The following PCDH15 variants were observed in gnomAD, a reference collection of about 807,000 sequenced individuals.
The protein encoded by PCDH15 is protocadherin related 15.
In PCDH15, 129 loss-of-function variants were observed where a neutral mutation model predicts 178.5. The ratio of observed to expected loss-of-function variants is 0.72; its 90% confidence interval spans 0.63 to 0.84. The LOEUF (loss-of-function observed/expected upper bound fraction) is 0.84. Among genes scored for constraint, PCDH15 ranks in the 40% least tolerant of loss-of-function variants. PCDH15 has a pLI of 0.00. For synonymous variants in PCDH15, 800 were observed against 732.0 expected (o/e 1.09, Z -1.50); for missense variants, 2,230 against 2,099.9 (o/e 1.06, Z -1.21).
intron 2 of PCDH15, among the ~76,000 whole-genome samples, chr10:55,382,723 T>G (rs182262210): frequency 6.6e-6 from 1 of 152,308 alleles, no homozygotes; most frequent in Non-Finnish European, 1.5e-5. Context: ...TCTACTGGAA[T>G]GACTCATCTT....
intron 26 of PCDH15, among the ~76,000 whole-genome samples, chr10:53,882,870 A>G (rs1206445570): frequency 6.6e-6 from 1 of 152,016 alleles, no homozygotes; most frequent in Admixed American, 6.5e-5. Context: ...AATGGCCAAT[A>G]GTCTTTTATA....
At chr10:55,108,145 C>G (rs976224218) in intron 2 of PCDH15, among the ~76,000 whole-genome samples, 10 of 152,100 alleles carry the variant, frequency 6.6e-5, no homozygotes, top group African/African-American at 2.4e-4. Context: ...ACCAAAATTG[C>G]TGATACTCTG....
intron 3 of PCDH15, among the ~76,000 whole-genome samples, chr10:54,842,397 T>C (rs1203552631): frequency 6.6e-6 from 1 of 151,938 alleles, no homozygotes; most frequent in Non-Finnish European, 1.5e-5. Flanking sequence ...CTTAGTAATT[T>C]GTGACCTGCC....
intron 14 of PCDH15, among the ~76,000 whole-genome samples, chr10:54,135,346 T>C (rs936251333): frequency 6.6e-6 from 1 of 151,992 alleles, no homozygotes; most frequent in African/African-American, 2.4e-5. Context: ...AGTATCAAAA[T>C]TTGCCAATAC....
At chr10:54,019,044 T>C (rs1231371927) in intron 20 of PCDH15, among the ~76,000 whole-genome samples, 4 of 152,134 alleles carry the variant, frequency 2.6e-5, no homozygotes, top group African/African-American at 4.8e-5. Context: ...ATTTATCTTA[T>C]AGATCTTCTG....
chr10:54,695,441 A>G (rs1423536662), intron 1 of PCDH15, among the ~76,000 whole-genome samples: 1 of 152,192 alleles, frequency 6.6e-6, no homozygotes, highest in East Asian at 1.9e-4. Flanking sequence ...TCCATAACAT[A>G]AAAGTGTAAG....
chr10:54,699,956 T>C (rs537964211), intron 1 of PCDH15, among the ~76,000 whole-genome samples: 12 of 152,042 alleles, frequency 7.9e-5, no homozygotes, highest in Non-Finnish European at 1.6e-4. Context: ...AAATATAGTA[T>C]TCCTAAATCT....
intron 8 of PCDH15, among the ~76,000 whole-genome samples, chr10:54,250,411 T>C (rs1317021271): frequency 2.0e-5 from 3 of 150,638 alleles, no homozygotes; most frequent in Non-Finnish European, 4.4e-5. Flanking sequence ...GCCTGTGGAG[T>C]AGCTGGGACT....
chr10:55,254,915 T>C (rs1187134106), intron 1 of PCDH15, among the ~76,000 whole-genome samples: 3 of 151,702 alleles, frequency 2.0e-5, no homozygotes, highest in African/African-American at 7.3e-5. Flanking sequence ...GTCATAGGAA[T>C]TGTTTAAAAT....
intron 2 of PCDH15, among the ~76,000 whole-genome samples, chr10:55,612,894 T>C (rs1254220254): frequency 5.3e-5 from 8 of 152,164 alleles, no homozygotes; most frequent in African/African-American, 1.7e-4. Context: ...CACTTTATAA[T>C]TGAAACAATA....
intron 28 of PCDH15, among the ~76,000 whole-genome samples, chr10:53,849,680 C>T (rs564535004): frequency 2.1e-4 from 32 of 151,624 alleles, no homozygotes; most frequent in Non-Finnish European, 3.2e-4. Flanking sequence ...GTGGCTAACA[C>T]GGTGAAACCT....
chr10:53,939,892 T>C (rs2085904248), intron 24 of PCDH15, among the ~76,000 whole-genome samples: 1 of 152,110 alleles, frequency 6.6e-6, no homozygotes. Context: ...AAATCATAGC[T>C]TTAGTCAGAT....
intron 2 of PCDH15, among the ~76,000 whole-genome samples, chr10:55,427,158 T>A (rs1261310420): frequency 6.6e-6 from 1 of 152,162 alleles, no homozygotes; most frequent in African/African-American, 2.4e-5. Flanking sequence ...ATCACTACAA[T>A]CAAGCTCAGC....
At chr10:54,752,530 A>AAAAAAAAC (rs1946480778) in intron 1 of PCDH15, among the ~76,000 whole-genome samples, 1 of 43,886 alleles carries the variant, frequency 2.3e-5, no homozygotes, top group Non-Finnish European at 6.5e-5. Context: ...ACAAACAAAC[A>AAAAAAAAC]AAAAAAAACA....
At chr10:54,625,862 G>A (rs1277065231) in intron 2 of PCDH15, among the ~76,000 whole-genome samples, 5 of 152,112 alleles carry the variant, frequency 3.3e-5, no homozygotes, top group South Asian at 4.1e-4. Flanking sequence ...GAAGAAGAGA[G>A]GAAAATGTAG....
chr10:55,082,031 C>G (rs543845208), intron 2 of PCDH15, among the ~76,000 whole-genome samples: 1 of 151,714 alleles, frequency 6.6e-6, no homozygotes, highest in African/African-American at 2.4e-5. Flanking sequence ...GACAGAAAAG[C>G]AAAAAAAGAA....
Position 55,442,812 on chromosome 10 carries a change from G to A in PCDH15, c.-156+184813C>T, listed in dbSNP as rs190725495. ...CCATTTTTTTCCAGATTAAAAAAGA[G>A]GTATACTTCAATGAGATCTCCTTTG... is the stretch of plus-strand genomic sequence containing the variant. On this transcript the variant is annotated intron_variant, in intron 2 of 5. Transcript: ENST00000613346. Among the ~76,000 whole-genome samples the A allele has an allele frequency of 2.3e-3, 348 of 151,932 alleles. 5 individuals carry two copies. The highest frequency in any genetic ancestry group is 0.016 in the Admixed American group (242 of 15,220).
In PCDH15 at chr10:53,803,183, G is replaced by A. The variant is rs1045080172; in HGVS notation, c.*3396C>T. The A allele has an allele frequency of 6.6e-6, 1 of 151,782 alleles. No individual in the cohort carries two copies. Among genetic ancestry groups the A allele is most frequent in the Non-Finnish European group, 1.5e-5 (1 of 67,850 alleles). The allele number at this position is 151,782 out of a possible 1,614,324, so 9.4% of individuals were successfully genotyped here. A position where few individuals can be genotyped will look rare whatever the true frequency, so the allele number is the denominator to read the frequency against. On this transcript the variant is annotated 3_prime_UTR_variant, in exon 38 of 38. Transcript: ENST00000644397. ...TTTGAACCTATCCTTCAGCCTTATC[G>A]CTGTGTAATTTGCAGGCACCAATAG...
In PCDH15 at chr10:54,124,889, A is replaced by C. The variant is rs540432569; in HGVS notation, c.1917+7986T>G. Among the ~76,000 whole-genome samples the C allele has an allele frequency of 2.7e-3, 414 of 152,358 alleles. 1 individual carries two copies. Among genetic ancestry groups the C allele is most frequent in the Non-Finnish European group, 3.8e-3 (257 of 68,030 alleles). On this transcript the variant is annotated intron_variant, in intron 15 of 37. Transcript: ENST00000644397. ...CCTCTGACAGGACCTGTTAATTCAGAGGGTCATGCTGTAAGACAGCTTGCA... is the reference window on the plus strand; with the variant it reads ...CCTCTGACAGGACCTGTTAATTCAGCGGGTCATGCTGTAAGACAGCTTGCA...
Sources: gnomAD v4.1 joint callset for allele counts (sites outside exome capture counted in the v4.1 genomes callset) on GRCh38, gnomAD v4.1.1 for gene constraint, MANE v1.5 for transcripts, NCBI Gene and HGNC (gene_info 2026-07-23, HGNC 2026-07-21) for gene names.